The following CAST variants were observed in gnomAD, a reference collection of about 807,000 sequenced individuals.
The protein encoded by CAST is MIR583 host.
A neutral mutation model predicts 119.6 loss-of-function variants in CAST; 76 were observed. The ratio of observed to expected loss-of-function variants is 0.64; its 90% CI spans 0.53 to 0.77. CAST has a LOEUF of 0.77. Among genes scored for constraint, CAST ranks in the 30% least tolerant of loss-of-function variants. CAST has a pLI of 0.00. For missense variants in CAST, 953 were observed against 946.5 expected (o/e 1.01, Z -0.09); for synonymous variants, 319 against 331.6 (o/e 0.96, Z 0.41).
intron 1 of CAST, among the ~76,000 whole-genome samples, chr5:96,612,608 A>T (rs926934075): frequency 6.6e-6 from 1 of 152,116 alleles, no homozygotes; most frequent in African/African-American, 2.4e-5. Context: ...AAAACAGAGA[A>T]ATCTGCACTT....
the CAST span, among the ~76,000 whole-genome samples, chr5:96,503,721 A>G: frequency 6.6e-6 from 1 of 152,298 alleles, no homozygotes; most frequent in East Asian, 1.9e-4. Context: ...ACTTGAGGGA[A>G]TAGAAGCCCA....
chr5:96,249,253 G>T, the CAST span, among the ~76,000 whole-genome samples: 1 of 152,166 alleles, frequency 6.6e-6, no homozygotes, highest in Non-Finnish European at 1.5e-5. Context: ...CTGATGTTTA[G>T]GTGGATATGC....
chr5:96,722,934 GTTGTT>G lies in CAST; in HGVS notation c.270+260_270+264del, dbSNP rs199768677. On this transcript the variant is annotated intron_variant, in intron 4 of 31. Coordinates refer to ENST00000675179, the MANE Select transcript of CAST (RefSeq NM_001750.7). ...ATCTAGAAAAGTAGAGTCACCTAGA[GTTGTT>G]TTGTTTTGTTTTGTTTTGTTTTGAG... Among the ~76,000 whole-genome samples, 36 of 151,868 alleles carry G rather than the reference GTTGTT, an allele frequency of 2.4e-4. No homozygotes were observed. The East Asian group carries it at 2.5e-3, about 11-fold the overall frequency.
At chr5:96,414,644 A>G in the CAST span, among the ~76,000 whole-genome samples, 1 of 152,232 alleles carries the variant, frequency 6.6e-6, no homozygotes, top group Non-Finnish European at 1.5e-5. Flanking sequence ...TCAGTTCTAC[A>G]CTGCCACAAA....
At chr5:96,208,364 C>T in the CAST span, among the ~76,000 whole-genome samples, 7 of 151,810 alleles carry the variant, frequency 4.6e-5, no homozygotes, top group South Asian at 1.5e-3. Context: ...GTTCTGTTAG[C>T]TTTAGGATTG....
At chr5:96,210,491 T>A in the CAST span, among the ~76,000 whole-genome samples, 2 of 152,074 alleles carry the variant, frequency 1.3e-5, no homozygotes, top group African/African-American at 2.4e-5. Flanking sequence ...CAAAAGTCAG[T>A]TAGGCATATT....
At chr5:96,755,973 C>A (rs1766228508) in intron 22 of CAST, among the ~76,000 whole-genome samples, 2 of 152,172 alleles carry the variant, frequency 1.3e-5, no homozygotes, top group African/African-American at 4.8e-5. Flanking sequence ...TTTGCTCTCT[C>A]CCTTTACTGA....
chr5:96,687,601 C>T (rs1001002870), intron 2 of CAST, among the ~76,000 whole-genome samples: 8 of 152,156 alleles, frequency 5.3e-5, no homozygotes, highest in African/African-American at 1.9e-4. Context: ...TTTTTGGGCT[C>T]TCTCTTTTGC....
chr5:96,551,884 T>G (rs1267909589), intron 1 of CAST, among the ~76,000 whole-genome samples: 1 of 152,140 alleles, frequency 6.6e-6, no homozygotes, highest in Admixed American at 6.5e-5. Flanking sequence ...TAAATATATA[T>G]GCACCCAATA....
intron 19 of CAST, among the ~76,000 whole-genome samples, chr5:96,749,721 A>G (rs1445093033): frequency 6.6e-6 from 1 of 151,712 alleles, no homozygotes; most frequent in East Asian, 1.9e-4. Flanking sequence ...TAATTTTTGT[A>G]TTTTCTGCAG....
At chr5:95,987,553 G>A in the CAST span, among the ~76,000 whole-genome samples, 1 of 152,146 alleles carries the variant, frequency 6.6e-6, no homozygotes, top group South Asian at 2.1e-4. Context: ...AGCCAGTGTT[G>A]AGAACCACAG....
At chr5:96,724,010 C>G (rs77790814) in intron 4 of CAST, among the ~76,000 whole-genome samples, 2,107 of 152,118 alleles carry the variant, frequency 0.014, 57 homozygotes, top group African/African-American at 0.048. Context: ...CATCTAAGTT[C>G]TTATGTCATT....
the CAST span, among the ~76,000 whole-genome samples, chr5:96,100,185 T>C: frequency 6.6e-6 from 1 of 152,026 alleles, no homozygotes; most frequent in African/African-American, 2.4e-5. Flanking sequence ...GCCTCTTTCT[T>C]GCCACAGTAC....
chr5:96,611,521 C>T (rs1747361701), intron 1 of CAST, among the ~76,000 whole-genome samples: 1 of 151,722 alleles, frequency 6.6e-6, no homozygotes, highest in African/African-American at 2.4e-5. Context: ...AGAAAGCCTA[C>T]AAAAAATGTC....
At chr5:96,307,934 G>A in the CAST span, among the ~76,000 whole-genome samples, 3 of 152,044 alleles carry the variant, frequency 2.0e-5, no homozygotes, top group Non-Finnish European at 1.5e-5. Flanking sequence ...TGTGTCTTGG[G>A]ATTGCTCTTC....
At chr5:96,164,454 C>A in the CAST span, among the ~76,000 whole-genome samples, 1 of 152,180 alleles carries the variant, frequency 6.6e-6, no homozygotes, top group Non-Finnish European at 1.5e-5. Context: ...GTCTGTCTAG[C>A]CTGTCACTGG....
the CAST span, among the ~76,000 whole-genome samples, chr5:96,459,628 C>T: frequency 6.6e-6 from 1 of 152,146 alleles, no homozygotes; most frequent in Middle Eastern, 3.2e-3. Context: ...GGAGTTTTCT[C>T]TCTTTCTCTC....
the CAST span, among the ~76,000 whole-genome samples, chr5:96,362,537 G>A: frequency 6.6e-6 from 1 of 152,190 alleles, no homozygotes; most frequent in Admixed American, 6.6e-5. Context: ...TAACTGGTGT[G>A]AGATGGTATC....
At chr5:95,962,479 C>G in the CAST span, among the ~76,000 whole-genome samples, 1 of 152,128 alleles carries the variant, frequency 6.6e-6, no homozygotes, top group African/African-American at 2.4e-5. Flanking sequence ...TTGAAGTTAT[C>G]GGGTGCCACA....
Sources: allele counts gnomAD v4.1 joint callset (sites outside exome capture counted in the v4.1 genomes callset), GRCh38; gene constraint gnomAD v4.1.1; transcripts MANE v1.5; gene names NCBI Gene and HGNC (gene_info 2026-07-23, HGNC 2026-07-21).